DPP10: variants seen among roughly 807,000 people sequenced by gnomAD.
DPP10 encodes the protein inactive dipeptidyl peptidase 10.
In DPP10, 33 loss-of-function variants were observed where a neutral mutation model predicts 120.9. That is an observed-to-expected ratio of 0.27 (90% CI 0.21 to 0.37). The LOEUF (loss-of-function observed/expected upper bound fraction) is 0.37, where lower values mean the gene tolerates loss of function less well. Among genes scored for constraint, DPP10 ranks in the 10% least tolerant of loss-of-function variants. The probability of loss-of-function intolerance (pLI) is 1.00; values close to 1 mark genes in which losing one functional copy is unlikely to be tolerated. For synonymous variants in DPP10, 337 were observed against 326.1 expected (o/e 1.03, Z -0.36); for missense variants, 816 against 942.8 (o/e 0.87, Z 1.76).
At chr2:115,657,998 G>A (rs951702574) in intron 5 of DPP10, among the ~76,000 whole-genome samples, 1 of 151,854 alleles carries the variant, frequency 6.6e-6, no homozygotes, top group Non-Finnish European at 1.5e-5. Context: ...TTAAATTGTT[G>A]TAGTATTCCA....
rs1044331366 is a variant in DPP10, at chr2:115,843,637, C to T, written c.*1292C>T. 1 of 152,118 alleles carries T rather than the reference C, an allele frequency of 6.6e-6. No individual in the cohort carries two copies. Among genetic ancestry groups the T allele is most frequent in the African/African-American group, 2.4e-5 (1 of 41,438 alleles). 9.4% of individuals were successfully genotyped at this position (152,118 alleles called of 1,614,324 possible). ...TTGAAGGCACAAAATGCATCAATTCCTGTGCTGTGTTGACTTGCAGTAGTA... is the reference window on the plus strand; with the variant it reads ...TTGAAGGCACAAAATGCATCAATTCTTGTGCTGTGTTGACTTGCAGTAGTA... On this transcript the variant is annotated 3_prime_UTR_variant, in exon 26 of 26. Coordinates refer to ENST00000410059, the MANE Select transcript of DPP10 (RefSeq NM_020868.6).
chr2:114,953,809 TTTTG>T (rs1318049955), intron 1 of DPP10, among the ~76,000 whole-genome samples: 5 of 152,200 alleles, frequency 3.3e-5, no homozygotes, highest in Non-Finnish European at 5.9e-5. Flanking sequence ...TTATTTAATG[TTTTG>T]TTTGTTATTT....
At chr2:115,058,434 C>T (rs1309697669) in intron 1 of DPP10, among the ~76,000 whole-genome samples, 1 of 152,236 alleles carries the variant, frequency 6.6e-6, no homozygotes, top group South Asian at 2.1e-4. Flanking sequence ...ATTTTTCACT[C>T]GGTCTCCCAA....
At chr2:115,412,366 A>G (rs939875261) in intron 3 of DPP10, among the ~76,000 whole-genome samples, 1 of 152,196 alleles carries the variant, frequency 6.6e-6, no homozygotes, top group Non-Finnish European at 1.5e-5. Flanking sequence ...TTTACCACCC[A>G]TGTTTTAAGA....
chr2:115,129,107 C>T (rs961809437), intron 1 of DPP10, among the ~76,000 whole-genome samples: 1 of 152,142 alleles, frequency 6.6e-6, no homozygotes, highest in Admixed American at 6.5e-5. Flanking sequence ...TCTGTCTGGA[C>T]CAAATGATTT....
At chr2:114,514,605 C>A (rs963826232) in intron 1 of DPP10, among the ~76,000 whole-genome samples, 10 of 152,076 alleles carry the variant, frequency 6.6e-5, no homozygotes, top group African/African-American at 2.4e-4. Context: ...TGTTTCAATA[C>A]CAAAGATTTT....
At chr2:114,558,663 A>C (rs1217083122) in intron 1 of DPP10, among the ~76,000 whole-genome samples, 2 of 152,258 alleles carry the variant, frequency 1.3e-5, no homozygotes, top group Non-Finnish European at 2.9e-5. Context: ...TGGCAGACAC[A>C]GCTGACACTC....
intron 1 of DPP10, among the ~76,000 whole-genome samples, chr2:114,723,933 C>T (rs1475440058): frequency 6.6e-6 from 1 of 152,134 alleles, no homozygotes. Flanking sequence ...TAAATCTCCC[C>T]TCTGCACACC....
At chr2:115,805,596 C>T (rs1336557453) in intron 19 of DPP10, among the ~76,000 whole-genome samples, 23 of 144,240 alleles carry the variant, frequency 1.6e-4, no homozygotes, top group South Asian at 8.7e-4. Context: ...TTTTTTGAGA[C>T]GCAGTCTCAC....
intron 1 of DPP10, among the ~76,000 whole-genome samples, chr2:114,773,746 C>G (rs1019946068): frequency 6.6e-6 from 1 of 151,846 alleles, no homozygotes; most frequent in African/African-American, 2.4e-5. Context: ...TACTAAGGTC[C>G]CTTGAAAGTA....
intron 1 of DPP10, among the ~76,000 whole-genome samples, chr2:114,817,784 A>G (rs1402355340): frequency 6.6e-6 from 1 of 152,160 alleles, no homozygotes; most frequent in East Asian, 1.9e-4. Context: ...GATAAGAGAG[A>G]TTGCATTTTG....
At chr2:115,771,282 C>T (rs1299891941) in intron 13 of DPP10, among the ~76,000 whole-genome samples, 1 of 152,066 alleles carries the variant, frequency 6.6e-6, no homozygotes, top group Non-Finnish European at 1.5e-5. Context: ...CCGTGTTGCC[C>T]AGGCTGGTCT....
chr2:114,775,293 CT>C (rs1368055558), intron 1 of DPP10, among the ~76,000 whole-genome samples: 1 of 152,100 alleles, frequency 6.6e-6, no homozygotes, highest in Non-Finnish European at 1.5e-5. Context: ...GAGAATCTAC[CT>C]CCAGAGTGCA....
chr2:115,558,852 T>C (rs2149036861), intron 5 of DPP10, among the ~76,000 whole-genome samples: 1 of 152,290 alleles, frequency 6.6e-6, no homozygotes, highest in South Asian at 2.1e-4. Flanking sequence ...CCCATGTCAA[T>C]TGGTATCTCT....
chr2:114,697,613 G>A (rs1700141477), intron 1 of DPP10, among the ~76,000 whole-genome samples: 1 of 151,888 alleles, frequency 6.6e-6, no homozygotes, highest in African/African-American at 2.4e-5. Context: ...AGCCAGGCAT[G>A]GTGGCAGGCA....
chr2:114,841,884 C>T (rs1166006984), intron 1 of DPP10, among the ~76,000 whole-genome samples: 2 of 152,020 alleles, frequency 1.3e-5, no homozygotes, highest in African/African-American at 4.8e-5. Context: ...CATGCTGGGT[C>T]ATGCTAAGTT....
intron 1 of DPP10, among the ~76,000 whole-genome samples, chr2:114,579,186 T>C (rs985278515): frequency 2.6e-5 from 4 of 152,156 alleles, no homozygotes; most frequent in African/African-American, 9.6e-5. Flanking sequence ...CTGGGCCCAC[T>C]GGTTTCCGAT....
chr2:115,129,522 CA>C (rs2050236122), intron 1 of DPP10, among the ~76,000 whole-genome samples: 1 of 152,096 alleles, frequency 6.6e-6, no homozygotes, highest in Admixed American at 6.5e-5. Context: ...AAAGGAGAGG[CA>C]TATGTGGGTT....
intron 1 of DPP10, among the ~76,000 whole-genome samples, chr2:114,504,288 A>G (rs1170479332): frequency 6.6e-6 from 1 of 152,184 alleles, no homozygotes; most frequent in Non-Finnish European, 1.5e-5. Context: ...TTCATTAAAC[A>G]TTACTTTTGT....
Sources: gnomAD v4.1 joint callset for allele counts (sites outside exome capture counted in the v4.1 genomes callset) on GRCh38, gnomAD v4.1.1 for gene constraint, MANE v1.5 for transcripts, NCBI Gene and HGNC (gene_info 2026-07-23, HGNC 2026-07-21) for gene names.